The following NEGR1 variants were observed in gnomAD, a reference collection of about 807,000 sequenced individuals.
NEGR1 encodes the protein IgLON family member 4.
Under a neutral mutation model 40.9 loss-of-function variants are expected in NEGR1, and 10 were observed. The ratio of observed to expected loss-of-function variants is 0.24; its 90% CI spans 0.15 to 0.42. The LOEUF (loss-of-function observed/expected upper bound fraction) is 0.42, where lower values mean the gene tolerates loss of function less well. Among genes scored for constraint, NEGR1 ranks in the 10% least tolerant of loss-of-function variants. The pLI is 1.00. For missense variants in NEGR1, 352 were observed against 438.9 expected, an observed-to-expected ratio of 0.80 and a Z score of 1.77; for synonymous variants, 185 against 166.8, an observed-to-expected ratio of 1.11 and a Z score of -0.84.
At chr1:71,800,002 G>A (rs1291179233) in intron 2 of NEGR1, among the ~76,000 whole-genome samples, 2 of 152,088 alleles carry the variant, frequency 1.3e-5, no homozygotes, top group African/African-American at 2.4e-5. Context: ...GTGAGCCACT[G>A]CACCCGGCTG....
At chr1:71,873,696 T>C (rs1660344746) in intron 2 of NEGR1, among the ~76,000 whole-genome samples, 1 of 152,156 alleles carries the variant, frequency 6.6e-6, no homozygotes, top group Non-Finnish European at 1.5e-5. Context: ...TCTTTCCAAA[T>C]AAATGGAAAA....
At chr1:72,082,948 G>A (rs961860437) in intron 1 of NEGR1, among the ~76,000 whole-genome samples, 1 of 152,052 alleles carries the variant, frequency 6.6e-6, no homozygotes, top group Non-Finnish European at 1.5e-5. Context: ...ATTATGGAGT[G>A]TATGTCTTAC....
At chr1:72,065,528 C>A (rs1295743442) in intron 1 of NEGR1, among the ~76,000 whole-genome samples, 1 of 152,048 alleles carries the variant, frequency 6.6e-6, no homozygotes, top group Non-Finnish European at 1.5e-5. Flanking sequence ...GAACAGAGCA[C>A]CTTCTCCACA....
intron 1 of NEGR1, among the ~76,000 whole-genome samples, chr1:72,228,081 A>G (rs1654249019): frequency 6.6e-6 from 1 of 152,118 alleles, no homozygotes; most frequent in African/African-American, 2.4e-5. Context: ...AATACAGGCT[A>G]CTATTAGGAA....
intron 3 of NEGR1, among the ~76,000 whole-genome samples, chr1:71,754,444 C>T (rs1055924632): frequency 6.6e-6 from 1 of 151,928 alleles, no homozygotes; most frequent in Non-Finnish European, 1.5e-5. Context: ...GGAAAAATCC[C>T]CTCTTAAGTT....
chr1:71,740,674 A>T (rs1268625443), intron 3 of NEGR1, among the ~76,000 whole-genome samples: 2 of 152,098 alleles, frequency 1.3e-5, no homozygotes, highest in African/African-American at 2.4e-5. Flanking sequence ...ATCTCAAGGG[A>T]CTGTATCATT....
At chr1:71,474,731 A>ACC (rs555989084) in intron 6 of NEGR1, among the ~76,000 whole-genome samples, 3 of 148,812 alleles carry the variant, frequency 2.0e-5, no homozygotes. Context: ...AAAAAAAAAA[A>ACC]AAAAAAACAA....
intron 6 of NEGR1, among the ~76,000 whole-genome samples, chr1:71,534,765 C>G (rs972631290): frequency 1.3e-5 from 2 of 151,536 alleles, no homozygotes; most frequent in Non-Finnish European, 3.0e-5. Flanking sequence ...ATTCTAGGAG[C>G]TGAAATCATA....
At chr1:71,456,685 GA>G (rs1646675241) in intron 6 of NEGR1, among the ~76,000 whole-genome samples, 1 of 152,086 alleles carries the variant, frequency 6.6e-6, no homozygotes, top group Non-Finnish European at 1.5e-5. Context: ...CAGACGCAAA[GA>G]AAATTCAAAA....
At chr1:71,904,395 T>A (rs1331658026) in intron 2 of NEGR1, among the ~76,000 whole-genome samples, 1 of 152,078 alleles carries the variant, frequency 6.6e-6, no homozygotes, top group Non-Finnish European at 1.5e-5. Flanking sequence ...CAGTTTGCTT[T>A]ATGATACTAT....
At chr1:71,895,451 T>A (rs928780462) in intron 2 of NEGR1, among the ~76,000 whole-genome samples, 1 of 152,206 alleles carries the variant, frequency 6.6e-6, no homozygotes, top group Non-Finnish European at 1.5e-5. Context: ...TACCTACTCC[T>A]CATTCATCCC....
chr1:71,691,993 T>A (rs1358971287), intron 4 of NEGR1, among the ~76,000 whole-genome samples: 1 of 151,778 alleles, frequency 6.6e-6, no homozygotes, highest in Non-Finnish European at 1.5e-5. Flanking sequence ...GTATATCTTA[T>A]ATCCTTGCAC....
intron 1 of NEGR1, among the ~76,000 whole-genome samples, chr1:72,264,713 AC>A (rs1255446876): frequency 1.3e-5 from 2 of 150,776 alleles, no homozygotes; most frequent in Admixed American, 1.3e-4. Context: ...TAAATGAATT[AC>A]TTTTAATGAC....
intron 3 of NEGR1, among the ~76,000 whole-genome samples, chr1:71,704,250 G>A (rs1653812045): frequency 6.7e-6 from 1 of 149,814 alleles, no homozygotes; most frequent in Admixed American, 6.7e-5. Flanking sequence ...AGTTGGAAAA[G>A]AAAGAACAAA....
intron 1 of NEGR1, among the ~76,000 whole-genome samples, chr1:72,103,734 C>T (rs1342858424): frequency 6.6e-6 from 1 of 151,986 alleles, no homozygotes; most frequent in East Asian, 1.9e-4. Context: ...TTCTCTTTCT[C>T]CCACTTTTCC....
At chr1:72,257,456 G>T (rs1655312525) in intron 1 of NEGR1, among the ~76,000 whole-genome samples, 1 of 152,002 alleles carries the variant, frequency 6.6e-6, no homozygotes, top group Non-Finnish European at 1.5e-5. Flanking sequence ...TTAAAAAATG[G>T]TAGCTTATTA....
chr1:71,529,586 G>T (rs912701629), intron 6 of NEGR1, among the ~76,000 whole-genome samples: 2 of 151,020 alleles, frequency 1.3e-5, no homozygotes, highest in African/African-American at 2.4e-5. Flanking sequence ...AATACACTTC[G>T]AAGATGATCT....
chr1:72,128,832 T>C (rs1053966139), intron 1 of NEGR1, among the ~76,000 whole-genome samples: 2 of 152,116 alleles, frequency 1.3e-5, no homozygotes, highest in Non-Finnish European at 2.9e-5. Context: ...TTTAAATTGG[T>C]ACACAGATAT....
chr1:71,598,952 G>T (rs553489840), intron 5 of NEGR1, among the ~76,000 whole-genome samples: 1 of 152,222 alleles, frequency 6.6e-6, no homozygotes, highest in African/African-American at 2.4e-5. Flanking sequence ...TTAGGGCAAG[G>T]TTCAAGGTTG....
Sources: allele counts gnomAD v4.1 joint callset (sites outside exome capture counted in the v4.1 genomes callset), GRCh38; gene constraint gnomAD v4.1.1; transcripts MANE v1.5; gene names NCBI Gene and HGNC (gene_info 2026-07-23, HGNC 2026-07-21).